Variants in DLEU7 observed in about 807,000 individuals in gnomAD.
DLEU7 encodes the protein deleted in lymphocytic leukemia 7, also known as leukemia-associated protein 7.
Under a neutral mutation model 16.0 loss-of-function variants are expected in DLEU7, and 17 were observed. That is an observed-to-expected ratio of 1.06 (90% CI 0.73 to 1.59). The LOEUF is 1.59. DLEU7 is among the 40% of genes most tolerant of loss of function. The pLI, the probability that DLEU7 is intolerant of heterozygous loss-of-function variation, is 0.00. For synonymous variants in DLEU7, 113 were observed against 139.8 expected (o/e 0.81, Z 1.35); for missense variants, 308 against 314.9 (o/e 0.98, Z 0.17).
At chr13:50,815,960 A>G (rs1240659327) in intron 1 of DLEU7, among the ~76,000 whole-genome samples, 5 of 152,146 alleles carry the variant, frequency 3.3e-5, no homozygotes. Flanking sequence ...TTTATAATAT[A>G]AAGTGGGTAT....
intron 1 of DLEU7, among the ~76,000 whole-genome samples, chr13:50,792,086 T>G (rs1481998116): frequency 6.6e-6 from 1 of 152,186 alleles, no homozygotes. Flanking sequence ...CTTTTCAAGT[T>G]TTCTTATATA....
downstream of DLEU7, chr13:50,822,495 A>T (rs1385327555): frequency 1.8e-5 from 1 of 54,456 alleles, no homozygotes; most frequent in Non-Finnish European, 2.8e-5. Context: ...ACTGTTGTTG[A>T]AAAAAAAAAA....
intron 1 of DLEU7, among the ~76,000 whole-genome samples, chr13:50,767,471 A>AAAAAAAAAC (rs1229309563): frequency 2.8e-4 from 43 of 151,606 alleles, no homozygotes; most frequent in African/African-American, 9.4e-4. Context: ...AAAAAAAAAA[A>AAAAAAAAAC]AAAAAAACTC....
chr13:50,720,878 T>C (rs1480133987), intron 1 of DLEU7, among the ~76,000 whole-genome samples: 1 of 152,218 alleles, frequency 6.6e-6, no homozygotes, highest in East Asian at 1.9e-4. Context: ...AAATGTAGAT[T>C]TGGCTATATA....
At chr13:50,784,328 G>A (rs576923689) in intron 1 of DLEU7, among the ~76,000 whole-genome samples, 1 of 152,270 alleles carries the variant, frequency 6.6e-6, no homozygotes, top group African/African-American at 2.4e-5. Context: ...AAAAAGTGAT[G>A]GAAAAATGCA....
chr13:50,721,625 A>G lies in DLEU7; in HGVS notation c.460-8385T>C, dbSNP rs1227845948. 2.0e-5 allele frequency among the ~76,000 whole-genome samples: 3 copies of G among 152,210 alleles called. No individual in the cohort carries two copies. The East Asian group carries it at 5.8e-4, about 29-fold the overall frequency. ...TACAAAATTATAAACAGAAGAAGAGACAATGGACAAAGGAAATAAAATTTT... is the reference window on the plus strand; with the variant it reads ...TACAAAATTATAAACAGAAGAAGAGGCAATGGACAAAGGAAATAAAATTTT... On this transcript the variant is annotated intron_variant, in intron 1 of 1. Transcript: ENST00000400393.
chr13:50,731,923 CATTT>C (rs1873922520), intron 1 of DLEU7, among the ~76,000 whole-genome samples: 1 of 151,692 alleles, frequency 6.6e-6, no homozygotes, highest in Non-Finnish European at 1.5e-5. Context: ...TATAATATTC[CATTT>C]ATTAATCTAC....
chr13:50,792,917 C>T (rs952565541), intron 1 of DLEU7, among the ~76,000 whole-genome samples: 5 of 148,810 alleles, frequency 3.4e-5, no homozygotes, highest in South Asian at 4.2e-4. Flanking sequence ...TGCACAGTTT[C>T]GTTACAAATT....
chr13:50,811,642 AG>A (rs1279335180), intron 1 of DLEU7, among the ~76,000 whole-genome samples: 2 of 152,142 alleles, frequency 1.3e-5, no homozygotes, highest in African/African-American at 2.4e-5. Context: ...TTCCAGCACT[AG>A]CCACATGGCC....
upstream of DLEU7, chr13:50,843,789 C>T (rs1877778149): frequency 8.6e-7 from 1 of 1,166,304 alleles, no homozygotes; most frequent in Admixed American, 3.6e-5. The surrounding 1 kb of genome is among the most constrained non-coding windows in gnomAD (Gnocchi z 5.7). Flanking sequence ...GTCGGCCCCG[C>T]CCCCGGCTCT....
chr13:50,752,201 A>G (rs1266699251), intron 1 of DLEU7, among the ~76,000 whole-genome samples: 1 of 151,244 alleles, frequency 6.6e-6, no homozygotes, highest in Non-Finnish European at 1.5e-5. Flanking sequence ...ACAGGCGCCC[A>G]CCACTACTCC....
rs900491559 is a variant in DLEU7, at chr13:50,713,837, T to G, written c.460-597A>C. On this transcript the variant is annotated intron_variant, in intron 1 of 1. Coordinates refer to the DLEU7 transcript ENST00000400393. ...AAAGGCAGCAACACGGGATGGGGAC[T>G]GTAAGGAAGTTGTCTCCCACCTGCC... is the stretch of plus-strand genomic sequence containing the variant. Among the ~76,000 whole-genome samples the G allele has an allele frequency of 2.6e-5, 4 of 152,184 alleles. No homozygotes were observed. The East Asian group carries it at 7.7e-4, about 29-fold the overall frequency.
chr13:50,719,945 G>T (rs1207444036), intron 1 of DLEU7, among the ~76,000 whole-genome samples: 1 of 152,200 alleles, frequency 6.6e-6, no homozygotes, highest in Non-Finnish European at 1.5e-5. Context: ...CATTCTTCTA[G>T]TTCTCACTTT....
intron 1 of DLEU7, among the ~76,000 whole-genome samples, chr13:50,827,962 C>A (rs147486561): frequency 6.6e-6 from 1 of 151,962 alleles, no homozygotes; most frequent in East Asian, 1.9e-4. Context: ...ATATGCCAAG[C>A]AAAGAGAAGC....
At chr13:50,840,789 G>C (rs543105710) in intron 1 of DLEU7, among the ~76,000 whole-genome samples, 1 of 122,294 alleles carries the variant, frequency 8.2e-6, no homozygotes, top group Admixed American at 8.2e-5. Context: ...ACATGGGGAT[G>C]GGGGGGCAGC....
chr13:50,746,132 T>C (rs1408345057), intron 1 of DLEU7, among the ~76,000 whole-genome samples: 1 of 152,192 alleles, frequency 6.6e-6, no homozygotes, highest in Non-Finnish European at 1.5e-5. Context: ...CTAAGGTCTT[T>C]AGCAGAATCA....
At chr13:50,731,600 C>G (rs555205066) in intron 1 of DLEU7, among the ~76,000 whole-genome samples, 1 of 152,238 alleles carries the variant, frequency 6.6e-6, no homozygotes, top group Non-Finnish European at 1.5e-5. Flanking sequence ...CTTCTAAAAA[C>G]CTCACTGGCC....
chr13:50,812,847 T>A (rs1876609484), intron 1 of DLEU7: 1 of 150,766 alleles, frequency 6.6e-6, no homozygotes, highest in Non-Finnish European at 1.5e-5. Flanking sequence ...AGGAAATTCT[T>A]AACATGAAAG....
chr13:50,776,708 C>T (rs1411600002), intron 1 of DLEU7, among the ~76,000 whole-genome samples: 1 of 152,170 alleles, frequency 6.6e-6, no homozygotes, highest in African/African-American at 2.4e-5. Context: ...TTATCTCACT[C>T]TTTAAAGAGT....
Sources: gnomAD v4.1 joint callset for allele counts (sites outside exome capture counted in the v4.1 genomes callset) on GRCh38, gnomAD v4.1.1 for gene constraint, Gnocchi (gnomAD v3.1) non-coding constraint, MANE v1.5 for transcripts, NCBI Gene and HGNC (gene_info 2026-07-23, HGNC 2026-07-21) for gene names.